Variants in SGCD observed in about 807,000 individuals in gnomAD.
SGCD encodes delta-sarcoglycan.
Under a neutral mutation model 36.6 loss-of-function variants are expected in SGCD, and 18 were observed. The observed-to-expected ratio is 0.49, with a 90% CI of 0.34 to 0.73. The LOEUF is 0.73. Ranked by LOEUF, SGCD falls within the 30% of genes least tolerant of loss-of-function variation. SGCD has a pLI of 0.01. For synonymous variants in SGCD, 133 were observed against 130.6 expected (o/e 1.02, Z -0.12); for missense variants, 387 against 346.7 (o/e 1.12, Z -0.92).
At chr5:156,668,924 T>C (rs541430593) in intron 7 of SGCD, among the ~76,000 whole-genome samples, 13 of 152,206 alleles carry the variant, frequency 8.5e-5, no homozygotes, top group Non-Finnish European at 1.5e-4. Flanking sequence ...AGGAGGCCAA[T>C]TGCAAGGTGG....
chr5:156,431,832 C>G (rs575029097), intron 3 of SGCD, among the ~76,000 whole-genome samples: 8 of 152,280 alleles, frequency 5.3e-5, no homozygotes, highest in African/African-American at 1.9e-4. Flanking sequence ...TCTCCTGCCT[C>G]AACCTCCTGA....
At chr5:155,825,407 C>T in the SGCD span, among the ~76,000 whole-genome samples, 3 of 152,172 alleles carry the variant, frequency 2.0e-5, no homozygotes, top group Non-Finnish European at 4.4e-5. Context: ...AAATGGCCCT[C>T]TGCGTTATAT....
chr5:155,754,172 G>A, the SGCD span, among the ~76,000 whole-genome samples: 4 of 152,318 alleles, frequency 2.6e-5, no homozygotes, highest in African/African-American at 4.8e-5. Context: ...GCAGGGACCT[G>A]TGACCATGAA....
At chr5:156,162,316 A>G (rs1763104399) in intron 3 of SGCD, among the ~76,000 whole-genome samples, 1 of 151,532 alleles carries the variant, frequency 6.6e-6, no homozygotes, top group Admixed American at 6.6e-5. Flanking sequence ...TTCAATAAGC[A>G]GTGTTGCACC....
intron 1 of SGCD, among the ~76,000 whole-genome samples, chr5:156,003,063 A>T (rs1212730939): frequency 6.6e-6 from 1 of 152,212 alleles, no homozygotes; most frequent in African/African-American, 2.4e-5. Context: ...TTATGAGTTA[A>T]TGAAGCCATC....
At chr5:156,485,971 G>T (rs549844206) in intron 3 of SGCD, among the ~76,000 whole-genome samples, 3 of 152,114 alleles carry the variant, frequency 2.0e-5, no homozygotes, top group Admixed American at 6.5e-5. Context: ...CTCAGGTTTT[G>T]CAGGTCCTGA....
At chr5:156,735,759 G>A (rs1168931669) in intron 7 of SGCD, among the ~76,000 whole-genome samples, 1 of 152,124 alleles carries the variant, frequency 6.6e-6, no homozygotes, top group Admixed American at 6.5e-5. Flanking sequence ...CCTGGATTCA[G>A]CCACTTTCCT....
intron 3 of SGCD, among the ~76,000 whole-genome samples, chr5:156,192,079 T>C (rs888803852): frequency 1.3e-5 from 2 of 152,202 alleles, no homozygotes; most frequent in South Asian, 4.1e-4. Context: ...TTTCCTCTTT[T>C]CCCAGAGATT....
chr5:155,841,526 T>G, the SGCD span, among the ~76,000 whole-genome samples: 1 of 152,320 alleles, frequency 6.6e-6, no homozygotes, highest in East Asian at 1.9e-4. Context: ...TTGCATTTTA[T>G]TTTTTGTGAA....
rs140202390 is a variant in SGCD, at chr5:156,642,806, G to A, written c.503-4658G>A. On this transcript the variant is annotated intron_variant, in intron 6 of 8. Transcript: ENST00000337851. ...AATGGGAATTTCCCAACTGTGAAGCGTTTCCATAGTCTTTTCTACTGCTAC... is the reference window on the plus strand; with the variant it reads ...AATGGGAATTTCCCAACTGTGAAGCATTTCCATAGTCTTTTCTACTGCTAC... Among the ~76,000 whole-genome samples, 795 of 151,842 alleles carry A rather than the reference G, an allele frequency of 5.2e-3. 5 individuals are homozygous for A. Among genetic ancestry groups the A allele is most frequent in the African/African-American group, 0.018 (735 of 41,424 alleles).
At chr5:156,334,547 C>T (rs1199533169) in intron 2 of SGCD, among the ~76,000 whole-genome samples, 1 of 151,276 alleles carries the variant, frequency 6.6e-6, no homozygotes, top group Non-Finnish European at 1.5e-5. Context: ...GTCAACCTTT[C>T]CCATGCTTTT....
intron 3 of SGCD, among the ~76,000 whole-genome samples, chr5:156,482,831 T>TTTTG (rs1755497295): frequency 6.9e-6 from 1 of 145,616 alleles, no homozygotes; most frequent in Non-Finnish European, 1.5e-5. Flanking sequence ...TTTTTTTTTT[T>TTTTG]TTTTTTTAAG....
At chr5:156,321,495 T>C (rs1767668463) in intron 3 of SGCD, among the ~76,000 whole-genome samples, 1 of 151,696 alleles carries the variant, frequency 6.6e-6, no homozygotes, top group Non-Finnish European at 1.5e-5. Context: ...CTGAAGTGAG[T>C]CTTTGGTATT....
chr5:156,345,268 G>A (rs185903106), intron 3 of SGCD, among the ~76,000 whole-genome samples: 119 of 151,896 alleles, frequency 7.8e-4, no homozygotes, highest in South Asian at 5.2e-3. Context: ...TGATGTTTAT[G>A]TTTCTTCAAT....
intron 6 of SGCD, among the ~76,000 whole-genome samples, chr5:156,614,751 A>G (rs146448114): frequency 6.6e-6 from 1 of 152,126 alleles, no homozygotes; most frequent in Non-Finnish European, 1.5e-5. Flanking sequence ...TCCAGTTTCA[A>G]ATTCCCAGCA....
At chr5:156,076,816 T>C (rs1470523334) in intron 1 of SGCD, among the ~76,000 whole-genome samples, 1 of 152,198 alleles carries the variant, frequency 6.6e-6, no homozygotes, top group Non-Finnish European at 1.5e-5. Flanking sequence ...AGCTCCCAAA[T>C]GAACATTTGC....
intron 1 of SGCD, among the ~76,000 whole-genome samples, chr5:155,921,472 G>A (rs1756877319): frequency 6.6e-6 from 1 of 152,052 alleles, no homozygotes; most frequent in Non-Finnish European, 1.5e-5. Flanking sequence ...GGAAATATTT[G>A]AGCATGCATA....
chr5:155,847,503 C>T, the SGCD span, among the ~76,000 whole-genome samples: 1 of 152,136 alleles, frequency 6.6e-6, no homozygotes, highest in East Asian at 1.9e-4. Context: ...TCTATTTCCC[C>T]TTTTCTATAC....
chr5:156,488,107 T>TG (rs1043309289), intron 3 of SGCD, among the ~76,000 whole-genome samples: 1 of 140,720 alleles, frequency 7.1e-6, no homozygotes, highest in South Asian at 2.2e-4. Flanking sequence ...GGTTTTTTTT[T>TG]TTTTTTTTTT....
Sources: gnomAD v4.1 joint callset for allele counts (sites outside exome capture counted in the v4.1 genomes callset) on GRCh38, gnomAD v4.1.1 for gene constraint, MANE v1.5 for transcripts, NCBI Gene and HGNC (gene_info 2026-07-23, HGNC 2026-07-21) for gene names.